NCOA1: variants seen among roughly 807,000 people sequenced by gnomAD.
The protein encoded by NCOA1 is Hin-2 protein.
NCOA1 carries 35 observed loss-of-function variants against 150.9 expected under a neutral mutation model. The ratio of observed to expected loss-of-function variants is 0.23; its 90% CI spans 0.18 to 0.31. The LOEUF (loss-of-function observed/expected upper bound fraction) is 0.31. Among genes scored for constraint, NCOA1 ranks in the 10% least tolerant of loss-of-function variants. NCOA1 has a pLI of 1.00. For synonymous variants in NCOA1, 590 were observed against 630.0 expected (o/e 0.94, Z 0.95); for missense variants, 1,491 against 1,749.3 (o/e 0.85, Z 2.63).
chr2:24,560,813 A>G (rs928362258), intron 1 of NCOA1, among the ~76,000 whole-genome samples: 1 of 152,202 alleles, frequency 6.6e-6, no homozygotes, highest in Admixed American at 6.5e-5. Context: ...TAAACTTGAG[A>G]TAAAAGATAA....
At chr2:24,762,281 G>A (rs920727791) in intron 21 of NCOA1, among the ~76,000 whole-genome samples, 6 of 152,228 alleles carry the variant, frequency 3.9e-5, no homozygotes, top group African/African-American at 1.4e-4. Context: ...TGAGGCAGGA[G>A]GATAAGTCTG....
chr2:24,682,541 G>C (rs994339044), intron 7 of NCOA1, among the ~76,000 whole-genome samples: 1 of 152,114 alleles, frequency 6.6e-6, no homozygotes, highest in Non-Finnish European at 1.5e-5. Flanking sequence ...CACGTCTGCT[G>C]ACTCGCCTTG....
intron 6 of NCOA1, 92 bp downstream of exon 6, chr2:24,666,007 T>C (rs147025199): frequency 0.016 from 11,963 of 756,306 alleles, 128 homozygotes; most frequent in Non-Finnish European, 0.018. Context: ...ATTATTATTA[T>C]TTTATTATTA....
intron 1 of NCOA1, among the ~76,000 whole-genome samples, chr2:24,514,305 A>G (rs1486511007): frequency 6.7e-6 from 1 of 150,254 alleles, no homozygotes. Context: ...AAAAAAAAAA[A>G]AGGAAAAAAA....
In NCOA1 at chr2:24,630,790, A is replaced by T. The variant is rs77434490; in HGVS notation, c.-174-13176A>T. On this transcript the variant is annotated intron_variant, in intron 3 of 22. Coordinates refer to ENST00000348332, the MANE Select transcript of NCOA1 (RefSeq NM_003743.5). ...ATTTTGTAATCATAAAAACAATGAAATCACTTTTTTTAAAGTGAAAGATAA... is the reference window on the plus strand; with the variant it reads ...ATTTTGTAATCATAAAAACAATGAATTCACTTTTTTTAAAGTGAAAGATAA... Among the ~76,000 whole-genome samples, 4 of 152,166 alleles carry T rather than the reference A, an allele frequency of 2.6e-5. No individual in the cohort carries two copies. The East Asian group carries it at 5.8e-4, about 22-fold the overall frequency.
intron 3 of NCOA1, among the ~76,000 whole-genome samples, chr2:24,594,235 A>C (rs1667791627): frequency 6.6e-6 from 1 of 152,166 alleles, no homozygotes; most frequent in Non-Finnish European, 1.5e-5. Flanking sequence ...ATAAATGGTA[A>C]TTTGTAATTT....
At chr2:24,603,441 A>C (rs183599647) in intron 3 of NCOA1, among the ~76,000 whole-genome samples, 1 of 152,226 alleles carries the variant, frequency 6.6e-6, no homozygotes, top group African/African-American at 2.4e-5. Context: ...ATTTGATAAC[A>C]TTTTTTACCC....
At chr2:24,739,289 T>C in intron 17 of NCOA1, 143 bp from the exon 18 acceptor site, 1 of 619,286 alleles carries the variant, frequency 1.6e-6, no homozygotes, top group Non-Finnish European at 2.8e-6. Flanking sequence ...ACTAGCCTTT[T>C]GGAAAATAAA....
chr2:24,596,132 G>A (rs1667875939), intron 3 of NCOA1, among the ~76,000 whole-genome samples: 2 of 152,120 alleles, frequency 1.3e-5, no homozygotes, highest in Admixed American at 6.6e-5. Flanking sequence ...GAGCCCCATT[G>A]TGTCCCCTGC....
rs570874604 is a variant in NCOA1, at chr2:24,651,059, A to G, written c.-18+6937A>G. Among the ~76,000 whole-genome samples the G allele has an allele frequency of 4.6e-5, 7 of 152,228 alleles. No homozygotes were observed. In the East Asian group the frequency reaches 1.4e-3, roughly 29 times the overall value. On this transcript the variant is annotated intron_variant, in intron 4 of 22. Transcript: ENST00000348332. ...AAGACAAAAGATAACAAGTATTGGC[A>G]AAGGTGTTGAGAAAAGGGAACCCAT...
intron 5 of NCOA1, 118 bp downstream of exon 5, chr2:24,658,884 T>C (rs1045937783): frequency 3.5e-6 from 3 of 863,018 alleles, no homozygotes; most frequent in Non-Finnish European, 5.6e-6. Context: ...TCTTTCATAC[T>C]CACCATGTTG....
intron 17 of NCOA1, among the ~76,000 whole-genome samples, chr2:24,739,191 G>T (rs1017467400): frequency 6.6e-6 from 1 of 152,096 alleles, no homozygotes; most frequent in Non-Finnish European, 1.5e-5. Flanking sequence ...TGTCACCCAG[G>T]CTGGAGTGCA....
At chr2:24,586,083 T>G (rs1359096334) in intron 3 of NCOA1, among the ~76,000 whole-genome samples, 1 of 151,594 alleles carries the variant, frequency 6.6e-6, no homozygotes, top group Non-Finnish European at 1.5e-5. Flanking sequence ...GAGACCAGCC[T>G]GGGCAACATG....
rs569998035 is a variant in NCOA1, at chr2:24,642,054, G to A, written c.-174-1912G>A. 7.9e-5 allele frequency among the ~76,000 whole-genome samples: 12 copies of A among 151,790 alleles called. No homozygotes were observed. In the South Asian group the frequency reaches 2.5e-3, roughly 32 times the overall value. On this transcript the variant is annotated intron_variant, in intron 3 of 22. Coordinates refer to ENST00000348332, the MANE Select transcript of NCOA1 (RefSeq NM_003743.5). ...TGTGTGTGTGCGCGCGTGCGTATGT[G>A]TGTGTGTATGTGTTTTCCCCAGATT...
At chr2:24,720,044 T>A (rs1006863034) in intron 14 of NCOA1, among the ~76,000 whole-genome samples, 1 of 152,074 alleles carries the variant, frequency 6.6e-6, no homozygotes, top group Non-Finnish European at 1.5e-5. Context: ...ATGATCTCTG[T>A]TAGGGAATTG....
At chr2:24,522,518 G>A (rs1411801506) in intron 1 of NCOA1, among the ~76,000 whole-genome samples, 3 of 152,128 alleles carry the variant, frequency 2.0e-5, no homozygotes, top group Non-Finnish European at 4.4e-5. Context: ...ATGTTAGAAG[G>A]CATTTTAAAG....
chr2:24,744,076 GT>G (rs947000060), intron 19 of NCOA1, among the ~76,000 whole-genome samples: 1 of 152,108 alleles, frequency 6.6e-6, no homozygotes, highest in African/African-American at 2.4e-5. Flanking sequence ...ACAGTTCTGG[GT>G]CTAGCCTTTT....
At chr2:24,715,221 G>C (rs185046098) in intron 14 of NCOA1, among the ~76,000 whole-genome samples, 26 of 152,122 alleles carry the variant, frequency 1.7e-4, no homozygotes, top group African/African-American at 6.0e-4. Flanking sequence ...AAGAGAGCCA[G>C]ATAAGTAAAG....
At chr2:24,550,493 A>G (rs979812713) in intron 1 of NCOA1, among the ~76,000 whole-genome samples, 19 of 152,170 alleles carry the variant, frequency 1.2e-4, no homozygotes, top group Admixed American at 3.3e-4. Flanking sequence ...ACTCCCCCTT[A>G]TGAAACCATC....
Sources: allele counts gnomAD v4.1 joint callset (sites outside exome capture counted in the v4.1 genomes callset), GRCh38; gene constraint gnomAD v4.1.1; transcripts MANE v1.5; gene names NCBI Gene and HGNC (gene_info 2026-07-23, HGNC 2026-07-21).